The following MAP1S variants were observed in gnomAD, a reference collection of about 807,000 sequenced individuals.
The protein encoded by MAP1S is microtubule associated protein 1S.
Under a neutral mutation model 60.9 loss-of-function variants are expected in MAP1S, and 27 were observed. The ratio of observed to expected loss-of-function variants is 0.44; its 90% confidence interval spans 0.33 to 0.61. MAP1S has a LOEUF of 0.61. Among genes scored for constraint, MAP1S ranks in the 20% least tolerant of loss-of-function variants. MAP1S has a pLI of 0.03. For synonymous variants in MAP1S, 826 were observed against 694.2 expected, an observed-to-expected ratio of 1.19 and a Z score of -2.98; for missense variants, 1,608 against 1,486.6, an observed-to-expected ratio of 1.08 and a Z score of -1.34.
At position 17,727,181 on chromosome 19, in the gene MAP1S, C is replaced by T. The variant is rs945853938; in HGVS notation, c.1797C>T (p.Gly599=). The T allele has an allele frequency of 6.3e-7, 1 of 1,578,390 alleles. No homozygotes were observed. The change falls in exon 5 of 7, where the codon GGC becomes GGT. Residue 599 remains glycine, a synonymous_variant. Coordinates refer to ENST00000324096, the MANE Select transcript of MAP1S (RefSeq NM_018174.6). The surrounding 1 kb of genome is among the most constrained non-coding windows in gnomAD (Gnocchi z 4.1). Reference sequence around the variant, plus strand: ...CCAGCCCCCCCAGTGCAGCCTGCGGCTCTCCGGCCTCCCAGCTGGTGGCCA... The same window carrying T: ...CCAGCCCCCCCAGTGCAGCCTGCGGTTCTCCGGCCTCCCAGCTGGTGGCCA... ...GEASPPSAAC[G]SPASQLVATP...
intron 3 of MAP1S, 83 bp from the exon 4 acceptor site, chr19:17,724,966 A>G: frequency 6.4e-7 from 1 of 1,568,082 alleles, no homozygotes; most frequent in South Asian, 1.1e-5. Context: ...GTGGTTATGT[A>G]TCGACTCGAG....
chr19:17,727,020 T>A lies in MAP1S; in HGVS notation c.1636T>A (p.Ser546Thr). The A allele has an allele frequency of 6.3e-7, 1 of 1,597,994 alleles. No homozygotes were observed. Among genetic ancestry groups the A allele is most frequent in the Non-Finnish European group, 8.5e-7 (1 of 1,173,302 alleles). The change falls in exon 5 of 7, where the codon TCT becomes ACT. Residue 546 changes from serine to threonine, a missense_variant. By Grantham distance (58) the Ser-to-Thr change is moderately conservative. Around this residue, in one of 4 missense-constraint regions of MAP1S, gnomAD observed 1,167 missense variants for 961.4 expected, o/e 1.21. Coordinates refer to ENST00000324096, the MANE Select transcript of MAP1S (RefSeq NM_018174.6). This position sits in a 1 kb window ranked among gnomAD's most constrained non-coding sequence, Gnocchi z 4.1. Reference protein sequence around the residue: ...TQPREVRRAASSVPNLKKTNA... With the variant: ...TQPREVRRAATSVPNLKKTNA... ...GCCGCGGGAGGTGCGCCGGGCAGCC[T>A]CTTCTGTGCCCAACCTCAAGAAGAC... is the stretch of plus-strand genomic sequence containing the variant.
At chr19:17,728,193 CCTGGG>C (rs1361279686) in intron 5 of MAP1S, 21 bp downstream of exon 5, 1 of 1,546,000 alleles carries the variant, frequency 6.5e-7, no homozygotes, top group African/African-American at 1.4e-5. Context: ...GAGCTGGGGC[CCTGGG>C]CTGGGTTAGC....
rs758963297 is a variant in MAP1S at position 17,734,335 on chromosome 19, C to G, written c.3087C>G (p.Ala1029=). ...ATACGTGGTACGCAGAGACGCACGC[C>G]CGGCACCAGGCGCTGGGCATCACGG... is the stretch of plus-strand genomic sequence containing the variant. The part of the protein sequence containing the change: ...AMHTWYAETH[A]RHQALGITVL... Residue 1029 remains alanine, a synonymous_variant, in exon 7 of 7, where the codon GCC becomes GCG. Coordinates refer to ENST00000324096, the MANE Select transcript of MAP1S (RefSeq NM_018174.6). 4 of 1,613,868 alleles carry G rather than the reference C, an allele frequency of 2.5e-6. No homozygotes were observed. The highest frequency in any genetic ancestry group is 1.1e-5 in the South Asian group (1 of 91,090).
chr19:17,733,548 G>A (rs2080512426), intron 6 of MAP1S, 120 bp downstream of exon 6: 1 of 793,076 alleles, frequency 1.3e-6, no homozygotes, highest in Admixed American at 3.1e-5. Context: ...GGGCGAATGT[G>A]GGAGTCTCAC....
In MAP1S at chr19:17,726,967, A is replaced by AC; in HGVS notation, c.1587dup (p.Lys530GlnfsTer113). The AC allele has an allele frequency of 6.4e-7, 1 of 1,573,720 alleles. No homozygotes were observed. Among genetic ancestry groups the AC allele is most frequent in the East Asian group, 2.3e-5 (1 of 42,824 alleles). ...AAGACCCCCCGGGAGTTGAAGAAAGACCCCAAACCGAGTGTCTCCCGGACC... is the reference window on the plus strand; with the variant it reads ...AAGACCCCCCGGGAGTTGAAGAAAGACCCCCAAACCGAGTGTCTCCCGGACC... On this transcript the variant is annotated frameshift_variant, in exon 5 of 7. Coordinates refer to ENST00000324096, the MANE Select transcript of MAP1S (RefSeq NM_018174.6). LOFTEE classifies it high-confidence loss of function.
Position 17,727,893 on chromosome 19 carries a change from C to T in MAP1S, c.2509C>T (p.Pro837Ser). 2 of 1,613,074 alleles carry T rather than the reference C, an allele frequency of 1.2e-6. No individual in the cohort carries two copies. Among genetic ancestry groups the T allele is most frequent in the Non-Finnish European group, 8.5e-7 (1 of 1,179,810 alleles). Residue 837 changes from proline to serine, a missense_variant, in exon 5 of 7, where the codon CCA becomes TCA. By Grantham distance (74) the Pro-to-Ser change is moderately conservative. Coordinates refer to ENST00000324096, the MANE Select transcript of MAP1S (RefSeq NM_018174.6). The surrounding 1 kb of genome is among the most constrained non-coding windows in gnomAD (Gnocchi z 4.1). ...PLKVPPPLPD[P>S]SSICMVDPEM... ...CAAGGTCCCCCCACCACTGCCTGAC[C>T]CATCCAGCATCTGCATGGTGGACCC...
rs1479374175 is a variant in MAP1S, at chr19:17,727,616, A to G, written c.2232A>G (p.Glu744=). Residue 744 remains glutamate, a synonymous_variant, in exon 5 of 7, where the codon GAA becomes GAG. Transcript: ENST00000324096. The surrounding 1 kb of genome is among the most constrained non-coding windows in gnomAD (Gnocchi z 4.1). ...DVDLCLVSPC[E]FEHRKAVPMA... The stretch of plus-strand genomic sequence containing the variant: ...ACCTGTGCCTGGTGTCACCCTGTGA[A>G]TTTGAGCATCGCAAGGCGGTGCCAA... 6.2e-7 allele frequency: 1 copy of G among 1,607,696 alleles called. No individual in the cohort carries two copies. Among genetic ancestry groups the G allele is most frequent in the South Asian group, 1.1e-5 (1 of 91,064 alleles).
In MAP1S at chr19:17,727,505, G is replaced by A. The variant is rs749037460; in HGVS notation, c.2121G>A (p.Pro707=). The part of the protein sequence containing the change: ...SLSVSFEQVL[P]PSAPTSEAGL... Reference sequence around the variant, plus strand: ...CGGTGTCCTTTGAGCAGGTGCTGCCGCCATCCGCCCCCACCAGTGAGGCTG... The same window carrying A: ...CGGTGTCCTTTGAGCAGGTGCTGCCACCATCCGCCCCCACCAGTGAGGCTG... The change falls in exon 5 of 7, where the codon CCG becomes CCA. Residue 707 remains proline (P), a synonymous_variant. Coordinates refer to ENST00000324096, the MANE Select transcript of MAP1S (RefSeq NM_018174.6). The surrounding 1 kb of genome is among the most constrained non-coding windows in gnomAD (Gnocchi z 4.1). 52 of 1,610,636 alleles carry A rather than the reference G, an allele frequency of 3.2e-5. 2 individuals are homozygous for A. The South Asian group carries it at 5.1e-4, about 16-fold the overall frequency.
chr19:17,729,453 G>A (rs1378689114), intron 5 of MAP1S, among the ~76,000 whole-genome samples: 1 of 152,130 alleles, frequency 6.6e-6, no homozygotes, highest in Non-Finnish European at 1.5e-5. Context: ...CCAGCCAAAG[G>A]CTCACATTTT....
intron 5 of MAP1S, among the ~76,000 whole-genome samples, chr19:17,732,680 C>T (rs573100686): frequency 1.3e-5 from 2 of 152,244 alleles, no homozygotes; most frequent in Non-Finnish European, 2.9e-5. Flanking sequence ...GCCCCTTGAG[C>T]AAGTGAACCA....
rs111421885 is a variant in MAP1S at position 17,727,109 on chromosome 19, G to C, written c.1725G>C (p.Pro575=). 2.5e-6 allele frequency: 4 copies of C among 1,600,296 alleles called. No homozygotes were observed. Among genetic ancestry groups the C allele is most frequent in the Non-Finnish European group, 3.4e-6 (4 of 1,175,892 alleles). Residue 575 remains proline (P), a synonymous_variant, in exon 5 of 7, where the codon CCG becomes CCC. Coordinates refer to ENST00000324096, the MANE Select transcript of MAP1S (RefSeq NM_018174.6). This position sits in a 1 kb window ranked among gnomAD's most constrained non-coding sequence, Gnocchi z 4.1. ...GCACGTCCCACTCTGGCTTCCCGCC[G>C]GTGGCAAATGGACCCCGCAGCCCGC... The part of the protein sequence containing the change: ...APSTSHSGFP[P]VANGPRSPPS...
rs763095118 is a variant in MAP1S at position 17,733,181 on chromosome 19, C to A, written c.2789-12C>A. 2.0e-6 allele frequency: 3 copies of A among 1,519,028 alleles called. No individual in the cohort carries two copies. The highest frequency in any genetic ancestry group is 1.8e-6 in the Non-Finnish European group (2 of 1,127,730). The allele number at this position is 1,519,028 out of a possible 1,614,324, so 94.1% of individuals were successfully genotyped here. A position where few individuals can be genotyped will look rare whatever the true frequency, so the allele number is the denominator to read the frequency against. ...GGAGCTCATCCCTGCCTCCCCATCC[C>A]CCCGCCCGCAGGGTCAGCCAGCAGC... is the stretch of plus-strand genomic sequence containing the variant. On this transcript the variant is annotated splice_polypyrimidine_tract_variant and intron_variant, in intron 5 of 6. Coordinates refer to ENST00000324096, the MANE Select transcript of MAP1S (RefSeq NM_018174.6).
At position 17,727,672 on chromosome 19, in the gene MAP1S, C is replaced by T. The variant is rs766580674; in HGVS notation, c.2288C>T (p.Ser763Leu). The change falls in exon 5 of 7, where the codon TCG becomes TTG. Residue 763 changes from serine to leucine, a missense_variant. Physicochemically the swap from Ser to Leu is moderately radical, Grantham distance 145 (BLOSUM62 -2). Around this residue, in one of 4 missense-constraint regions of MAP1S, gnomAD observed 1,167 missense variants for 961.4 expected, o/e 1.21. Transcript: ENST00000324096. The surrounding 1 kb of genome is among the most constrained non-coding windows in gnomAD (Gnocchi z 4.1). The part of the protein sequence containing the change: ...MAPAPASPGS[S>L]NDSSARSQER... The stretch of plus-strand genomic sequence containing the variant: ...CCGGCACCTGCGTCCCCCGGCAGCT[C>T]GAATGACAGCAGTGCCCGGTCACAG... 1.7e-5 allele frequency: 27 copies of T among 1,609,254 alleles called. No individual in the cohort carries two copies. The highest frequency in any genetic ancestry group is 6.7e-5 in the Admixed American group (4 of 59,918).
chr19:17,733,591 T>C (rs1283586015), intron 6 of MAP1S, among the ~76,000 whole-genome samples, 163 bp downstream of exon 6: 1 of 152,220 alleles, frequency 6.6e-6, no homozygotes, highest in African/African-American at 2.4e-5. Flanking sequence ...CTTCGGACTC[T>C]GATTCTGTCG....
At chr19:17,724,318 C>G (rs1297418371) in intron 3 of MAP1S, 110 bp downstream of exon 3, 1 of 837,728 alleles carries the variant, frequency 1.2e-6, no homozygotes, top group African/African-American at 1.7e-5. Context: ...TCTCAAGACA[C>G]CCGGCACCAC....
In MAP1S at chr19:17,726,095, G is replaced by A; in HGVS notation, c.711G>A (p.Arg237=). ...CCCCGACCTCCGGGGGCTTCCTCAG[G>A]CTGGGCCGGCCCTGCTGCTACATCT... ...LEPPTSGGFL[R]LGRPCCYIFP... Residue 237 remains arginine (R), a synonymous_variant, in exon 5 of 7, where the codon AGG becomes AGA. Transcript: ENST00000324096. The A allele has an allele frequency of 6.2e-7, 1 of 1,613,834 alleles. No homozygotes were observed. Among genetic ancestry groups the A allele is most frequent in the Non-Finnish European group, 8.5e-7 (1 of 1,179,938 alleles).
intron 5 of MAP1S, among the ~76,000 whole-genome samples, chr19:17,729,918 C>T (rs916043811): frequency 7.2e-5 from 11 of 152,204 alleles, no homozygotes. Context: ...GCCTCGGCCT[C>T]CCAAAGTACT....
chr19:17,722,470 C>G (rs1446800397), intron 2 of MAP1S, among the ~76,000 whole-genome samples: 4 of 76,596 alleles, frequency 5.2e-5, no homozygotes, highest in Non-Finnish European at 8.6e-5. Flanking sequence ...AAACTTAGGC[C>G]TGACATGGTG....
Sources: allele counts gnomAD v4.1 joint callset (sites outside exome capture counted in the v4.1 genomes callset), GRCh38; gene constraint gnomAD v4.1.1; regional missense constraint gnomAD v4.1.1; non-coding constraint Gnocchi (gnomAD v3.1); transcripts MANE v1.5; gene names NCBI Gene and HGNC (gene_info 2026-07-23, HGNC 2026-07-21).